The following FHIT variants were observed in gnomAD, a reference collection of about 807,000 sequenced individuals.
The protein encoded by FHIT is fragile histidine triad diadenosine triphosphatase.
Under a neutral mutation model 17.9 loss-of-function variants are expected in FHIT, and 19 were observed. The ratio of observed to expected loss-of-function variants is 1.06; its 90% confidence interval spans 0.74 to 1.56. FHIT has a LOEUF of 1.56. Among genes scored for constraint, FHIT ranks in the 40% most tolerant of loss-of-function variants. The probability of loss-of-function intolerance (pLI) is 0.00; values close to 1 mark genes in which losing one functional copy is unlikely to be tolerated. For synonymous variants in FHIT, 81 were observed against 69.7 expected (o/e 1.16, Z -0.81); for missense variants, 248 against 189.2 (o/e 1.31, Z -1.82).
At chr3:59,972,593 T>C (rs902862788) in intron 7 of FHIT, among the ~76,000 whole-genome samples, 9 of 152,088 alleles carry the variant, frequency 5.9e-5, no homozygotes, top group African/African-American at 1.9e-4. Context: ...GGTTCCATCC[T>C]GCCCCAGATT....
intron 5 of FHIT, among the ~76,000 whole-genome samples, chr3:60,063,475 C>T (rs1702375143): frequency 6.6e-6 from 1 of 152,178 alleles, no homozygotes. Flanking sequence ...TACCACAGCT[C>T]ATCTGCCTTC....
intron 2 of FHIT, among the ~76,000 whole-genome samples, chr3:61,173,324 C>T (rs777845043): frequency 3.9e-5 from 6 of 152,044 alleles, no homozygotes; most frequent in East Asian, 1.9e-4. Flanking sequence ...TTTGGAGATT[C>T]GACAATTTAC....
intron 7 of FHIT, among the ~76,000 whole-genome samples, chr3:59,931,725 G>C (rs2107230865): frequency 6.6e-6 from 1 of 152,264 alleles, no homozygotes; most frequent in East Asian, 1.9e-4. Flanking sequence ...AATTTGTGGA[G>C]ACTCTGTTGA....
chr3:60,041,217 C>T (rs1176403879), intron 5 of FHIT, among the ~76,000 whole-genome samples: 2 of 152,186 alleles, frequency 1.3e-5, no homozygotes, highest in Non-Finnish European at 2.9e-5. Flanking sequence ...ACTTGCAGAT[C>T]CAACTGCTCC....
chr3:61,151,576 T>TTTTCTTTTC (rs756202514), intron 2 of FHIT, among the ~76,000 whole-genome samples: 18,361 of 112,182 alleles, frequency 0.16, 1,211 homozygotes, highest in African/African-American at 0.4. Context: ...TTTTCTTTTC[T>TTTTCTTTTC]TTTTTTTTTT....
intron 7 of FHIT, among the ~76,000 whole-genome samples, chr3:59,987,988 A>T (rs1287329959): frequency 6.6e-6 from 1 of 151,906 alleles, no homozygotes; most frequent in Admixed American, 6.6e-5. Flanking sequence ...CCTCATGTAG[A>T]TCCTTGAATG....
At chr3:59,769,403 T>C (rs142285877) in intron 8 of FHIT, among the ~76,000 whole-genome samples, 1,638 of 152,312 alleles carry the variant, frequency 0.011, 34 homozygotes, top group African/African-American at 0.037. Flanking sequence ...CATCCCACCC[T>C]GTAGAAGGCT....
intron 3 of FHIT, among the ~76,000 whole-genome samples, chr3:60,982,940 G>A (rs1710556600): frequency 6.6e-6 from 1 of 152,038 alleles, no homozygotes; most frequent in Non-Finnish European, 1.5e-5. Context: ...TACTTAAAGG[G>A]TCCTCTTTCT....
chr3:60,428,730 G>A (rs1182018478), intron 5 of FHIT, among the ~76,000 whole-genome samples: 2 of 152,108 alleles, frequency 1.3e-5, no homozygotes, highest in Non-Finnish European at 2.9e-5. Context: ...GCCCCAGCAG[G>A]CTAAGGTTAC....
intron 5 of FHIT, among the ~76,000 whole-genome samples, chr3:60,409,487 C>A (rs1395505403): frequency 1.3e-5 from 2 of 152,128 alleles, no homozygotes; most frequent in East Asian, 1.9e-4. Flanking sequence ...GAATCTGTAA[C>A]CTTGGACTCT....
rs77904251 is a variant in FHIT at position 60,319,789 on chromosome 3, C to T, written c.103+217071G>A. ...TGGTTGCACTGTAATTACCATAGTT[C>T]GTTTGGGGTTGCCGACTTTTGGTCT... On this transcript the variant is annotated intron_variant, in intron 5 of 9. Transcript: ENST00000492590. Among the ~76,000 whole-genome samples the T allele has an allele frequency of 8.0e-3, 1,216 of 152,212 alleles. 14 individuals are homozygous for T. The highest frequency in any genetic ancestry group is 0.028 in the African/African-American group (1,144 of 41,506).
At chr3:59,925,509 G>T (rs1705614398) in intron 7 of FHIT, among the ~76,000 whole-genome samples, 2 of 152,090 alleles carry the variant, frequency 1.3e-5, no homozygotes, top group African/African-American at 4.8e-5. Flanking sequence ...ACTAACATAT[G>T]GGGGGTTGCG....
intron 5 of FHIT, among the ~76,000 whole-genome samples, chr3:60,120,238 C>T (rs1275420343): frequency 1.3e-5 from 2 of 152,190 alleles, no homozygotes; most frequent in Non-Finnish European, 2.9e-5. Flanking sequence ...AACTCTCTGG[C>T]AGCAGAAACT....
chr3:59,860,749 C>G (rs1217264580), intron 8 of FHIT, among the ~76,000 whole-genome samples: 1 of 152,012 alleles, frequency 6.6e-6, no homozygotes, highest in African/African-American at 2.4e-5. Flanking sequence ...TAAAAAGGAG[C>G]CACCAGAGAG....
chr3:60,378,622 A>G (rs1700673642), intron 5 of FHIT, among the ~76,000 whole-genome samples: 1 of 152,212 alleles, frequency 6.6e-6, no homozygotes, highest in South Asian at 2.1e-4. Flanking sequence ...GTACAGAACA[A>G]CCTACACAGA....
chr3:59,752,967 G>A (rs538133566), intron 8 of FHIT, among the ~76,000 whole-genome samples: 2 of 152,086 alleles, frequency 1.3e-5, no homozygotes, highest in Non-Finnish European at 2.9e-5. Flanking sequence ...GGGGAATGGG[G>A]AGCATTTGCC....
intron 5 of FHIT, among the ~76,000 whole-genome samples, chr3:60,380,963 A>C (rs1034638084): frequency 3.7e-5 from 5 of 135,188 alleles, no homozygotes; most frequent in African/African-American, 1.3e-4. Flanking sequence ...CGCGTAACAA[A>C]AAAGCCACAC....
chr3:60,125,101 C>A (rs1399662365), intron 5 of FHIT, among the ~76,000 whole-genome samples: 3 of 152,198 alleles, frequency 2.0e-5, no homozygotes, highest in Non-Finnish European at 4.4e-5. Context: ...GCTAAACCAG[C>A]TGCACAATCC....
intron 5 of FHIT, among the ~76,000 whole-genome samples, chr3:60,534,821 T>C (rs181697041): frequency 6.6e-6 from 1 of 152,198 alleles, no homozygotes; most frequent in African/African-American, 2.4e-5. Flanking sequence ...AAGAAACGAG[T>C]TGTCATTCAC....
Sources: allele counts gnomAD v4.1 joint callset (sites outside exome capture counted in the v4.1 genomes callset), GRCh38; gene constraint gnomAD v4.1.1; transcripts MANE v1.5; gene names NCBI Gene and HGNC (gene_info 2026-07-23, HGNC 2026-07-21).